The following MTOR variants were observed in gnomAD, a reference collection of about 807,000 sequenced individuals.
MTOR encodes the protein serine/threonine-protein kinase mTOR.
A neutral mutation model predicts 319.8 loss-of-function variants in MTOR; 70 were observed. The observed-to-expected ratio is 0.22, with a 90% CI of 0.18 to 0.27. The LOEUF (loss-of-function observed/expected upper bound fraction) is 0.27, where lower values mean the gene tolerates loss of function less well. Among genes scored for constraint, MTOR ranks in the 10% least tolerant of loss-of-function variants. The pLI is 1.00. For missense variants in MTOR, 1,890 were observed against 3,274.4 expected (o/e 0.58, Z 10.32); for synonymous variants, 1,183 against 1,211.4 (o/e 0.98, Z 0.49).
Position 11,129,665 on chromosome 1 carries a change from A to T in MTOR, c.5714+73T>A. On this transcript the variant is annotated intron_variant, in intron 40 of 57. Transcript: ENST00000361445. The surrounding 1 kb of genome is among the most constrained non-coding windows in gnomAD (Gnocchi z 4.7). Reference sequence around the variant, plus strand: ...GATCAGGGTCAGGAAGGGAAAGAGGACTTTTACGTGTGACTTCTAGGTCTT... The same window carrying T: ...GATCAGGGTCAGGAAGGGAAAGAGGTCTTTTACGTGTGACTTCTAGGTCTT... 7.4e-7 allele frequency: 1 copy of T among 1,343,722 alleles called. No individual in the cohort carries two copies. The allele number at this position is 1,343,722 out of a possible 1,614,324, so 83.2% of individuals were successfully genotyped here.
chr1:11,150,114 G>A lies in MTOR; in HGVS notation c.4570+12C>T. On this transcript the variant is annotated intron_variant, in intron 31 of 57. Coordinates refer to ENST00000361445, the MANE Select transcript of MTOR (RefSeq NM_004958.4). ...CCCATCCTTCACAGGGTGCCTGTGAGGGAAGCTTTACCTAAACCCCATGCA... is the reference window on the plus strand; with the variant it reads ...CCCATCCTTCACAGGGTGCCTGTGAAGGAAGCTTTACCTAAACCCCATGCA... The A allele has an allele frequency of 1.9e-6, 3 of 1,610,932 alleles. No individual in the cohort carries two copies. Among genetic ancestry groups the A allele is most frequent in the Non-Finnish European group, 2.5e-6 (3 of 1,177,618 alleles).
intron 13 of MTOR, among the ~76,000 whole-genome samples, chr1:11,234,596 G>A (rs1280502217): frequency 6.6e-6 from 1 of 152,222 alleles, no homozygotes; most frequent in Non-Finnish European, 1.5e-5. Context: ...GGAGAGCTGT[G>A]AGTAGGGTTC....
chr1:11,155,093 AG>A (rs1244331217), intron 30 of MTOR, among the ~76,000 whole-genome samples: 1 of 152,224 alleles, frequency 6.6e-6, no homozygotes, highest in Non-Finnish European at 1.5e-5. Context: ...TCATTCTTTT[AG>A]AAGACTTGCT....
intron 28 of MTOR, among the ~76,000 whole-genome samples, chr1:11,169,982 C>T (rs1440994388): frequency 6.6e-6 from 1 of 152,196 alleles, no homozygotes; most frequent in Non-Finnish European, 1.5e-5. Context: ...CCAATGTTTC[C>T]TGAGTAGAAC....
rs537876647 is a variant in MTOR, at chr1:11,247,872, T to C, written c.1063A>G (p.Thr355Ala). 6.2e-7 allele frequency: 1 copy of C among 1,614,126 alleles called. No individual in the cohort carries two copies. Among genetic ancestry groups the C allele is most frequent in the East Asian group, 2.2e-5 (1 of 44,878 alleles). ...CTGCAACACCGGCTCTCCACCAGGGTGGACTTAGCTGGACTGGGGGAGGTC... is the reference window on the plus strand; with the variant it reads ...CTGCAACACCGGCTCTCCACCAGGGCGGACTTAGCTGGACTGGGGGAGGTC... Reference protein sequence around the residue: ...FGTSPSPAKSTLVESRCCRDL... With the variant: ...FGTSPSPAKSALVESRCCRDL... The change falls in exon 7 of 58, where the codon ACC becomes GCC. Residue 355 changes from threonine to alanine, a missense_variant. Thr to Ala is a moderately conservative substitution (Grantham distance 58). This residue lies in a region of MTOR where 418 missense variants were observed against 543.1 expected (regional missense o/e 0.77). Coordinates refer to ENST00000361445, the MANE Select transcript of MTOR (RefSeq NM_004958.4).
intron 28 of MTOR, chr1:11,194,447 G>C: frequency 1.2e-6 from 2 of 1,613,332 alleles, no homozygotes; most frequent in South Asian, 2.2e-5. Flanking sequence ...TTAAGGCTCT[G>C]CTCCTCCTGA....
At chr1:11,203,265 A>C (rs552692604) in intron 26 of MTOR, among the ~76,000 whole-genome samples, 34 of 152,298 alleles carry the variant, frequency 2.2e-4, no homozygotes, top group Admixed American at 1.5e-3. Flanking sequence ...ACAACAACAA[A>C]AAAAGATGTC....
intron 56 of MTOR, among the ~76,000 whole-genome samples, chr1:11,108,811 A>G (rs1192612516): frequency 1.3e-5 from 2 of 151,954 alleles, no homozygotes; most frequent in African/African-American, 4.8e-5. Context: ...CCTGCCCAAC[A>G]TGGTGAAACC....
intron 19 of MTOR, among the ~76,000 whole-genome samples, chr1:11,218,897 C>T (rs1163812632): frequency 1.3e-5 from 2 of 152,016 alleles, no homozygotes; most frequent in Admixed American, 6.6e-5. Context: ...AAAATATAAA[C>T]ATGATTATAA....
At chr1:11,159,350 T>C in intron 29 of MTOR, among the ~76,000 whole-genome samples, 1 of 152,140 alleles carries the variant, frequency 6.6e-6, no homozygotes. Flanking sequence ...TTACAGATAA[T>C]ATGTGCTAAG....
In MTOR at chr1:11,117,403, C is replaced by T. The variant is rs183251730; in HGVS notation, c.6934-317G>A. Among the ~76,000 whole-genome samples the T allele has an allele frequency of 3.6e-3, 554 of 152,250 alleles. 5 individuals carry two copies. The highest frequency in any genetic ancestry group is 0.013 in the African/African-American group (524 of 41,530). Reference sequence around the variant, plus strand: ...CTTGAGCTCCTAACCTCAAGTGATCCGCTTGCCTCGGCCTCCCAAAATGCT... The same window carrying T: ...CTTGAGCTCCTAACCTCAAGTGATCTGCTTGCCTCGGCCTCCCAAAATGCT... On this transcript the variant is annotated intron_variant, in intron 49 of 57. Transcript: ENST00000361445.
chr1:11,153,470 T>C (rs959666128), intron 30 of MTOR, among the ~76,000 whole-genome samples: 5 of 152,260 alleles, frequency 3.3e-5, no homozygotes, highest in Admixed American at 6.5e-5. Flanking sequence ...TGCAGTATTT[T>C]AGGAATTGAT....
intron 32 of MTOR, chr1:11,145,332 C>G: frequency 4.8e-6 from 2 of 418,132 alleles, no homozygotes; most frequent in Non-Finnish European, 8.7e-6. Flanking sequence ...GCTGTAAAAC[C>G]GAATCATGGG....
At chr1:11,171,513 C>T (rs1644813499) in intron 28 of MTOR, among the ~76,000 whole-genome samples, 1 of 151,920 alleles carries the variant, frequency 6.6e-6, no homozygotes. Context: ...ACAACAAAAA[C>T]AAAAACAAAT....
At chr1:11,153,419 T>G (rs766612870) in intron 30 of MTOR, among the ~76,000 whole-genome samples, 5 of 152,200 alleles carry the variant, frequency 3.3e-5, no homozygotes, top group Non-Finnish European at 7.3e-5. Flanking sequence ...AATGCCAGGC[T>G]GTGATATTTA....
intron 28 of MTOR, among the ~76,000 whole-genome samples, chr1:11,178,364 A>T (rs1645051560): frequency 6.6e-6 from 1 of 152,178 alleles, no homozygotes; most frequent in Non-Finnish European, 1.5e-5. Flanking sequence ...AGAATGTCAA[A>T]GCACACGACT....
chr1:11,231,387 T>G lies in MTOR; in HGVS notation c.2562A>C (p.Val854=). ...TAGGGTACTTCCTGTAGGGCTCTAC[T>G]ACATAGCCAGTGCTGGCCACCAACT... ...LGQLVASTGY[V]VEPYRKYPTL... The change falls in exon 17 of 58, where the codon GTA becomes GTC. Residue 854 remains valine, a synonymous_variant. Coordinates refer to ENST00000361445, the MANE Select transcript of MTOR (RefSeq NM_004958.4). The G allele has an allele frequency of 1.9e-6, 3 of 1,614,178 alleles. No homozygotes were observed. The highest frequency in any genetic ancestry group is 2.5e-6 in the Non-Finnish European group (3 of 1,180,016).
At chr1:11,145,773 C>T (rs1206372653) in intron 32 of MTOR, among the ~76,000 whole-genome samples, 4 of 152,086 alleles carry the variant, frequency 2.6e-5, no homozygotes, top group Non-Finnish European at 4.4e-5. Context: ...CAAAGTGCTG[C>T]GATTACAGGT....
rs775102755 is a variant in MTOR, at chr1:11,247,889, G to C, written c.1046C>G (p.Pro349Arg). ...HQGLMGFGTS[P>R]SPAKSTLVES... ...CACCAGGGTGGACTTAGCTGGACTG[G>C]GGGAGGTCCCAAATCCCATGAGGCC... Residue 349 changes from proline (P) to arginine (R), a missense_variant, in exon 7 of 58, where the codon CCC becomes CGC. Pro to Arg is a moderately radical substitution (Grantham distance 103). Around this residue, in one of 15 missense-constraint regions of MTOR, gnomAD observed 418 missense variants for 543.1 expected, o/e 0.77. Coordinates refer to ENST00000361445, the MANE Select transcript of MTOR (RefSeq NM_004958.4). 21 of 1,614,142 alleles carry C rather than the reference G, an allele frequency of 1.3e-5. No individual in the cohort carries two copies. The highest frequency in any genetic ancestry group is 1.7e-5 in the Non-Finnish European group (20 of 1,180,036).
Sources: allele counts gnomAD v4.1 joint callset (sites outside exome capture counted in the v4.1 genomes callset), GRCh38; gene constraint gnomAD v4.1.1; regional missense constraint gnomAD v4.1.1; non-coding constraint Gnocchi (gnomAD v3.1); transcripts MANE v1.5; gene names NCBI Gene and HGNC (gene_info 2026-07-23, HGNC 2026-07-21).